The following RAVER2 variants were observed in gnomAD, a reference collection of about 807,000 sequenced individuals.
RAVER2 encodes ribonucleoprotein, PTB binding 2.
RAVER2 carries 46 observed loss-of-function variants against 78.1 expected under a neutral mutation model. The observed-to-expected ratio is 0.59, with a 90% CI of 0.46 to 0.75. RAVER2 has a LOEUF of 0.75. RAVER2 is among the 30% of genes least tolerant of loss of function. The pLI, the probability that RAVER2 is intolerant of heterozygous loss-of-function variation, is 0.00. For missense variants in RAVER2, 793 were observed against 837.5 expected (o/e 0.95, Z 0.66); for synonymous variants, 311 against 313.3 (o/e 0.99, Z 0.08).
chr1:64,828,781 AT>A lies in RAVER2; in HGVS notation c.1930-2054del, dbSNP rs1654057448. ...TTTTGCAACAGATCTCTAGATTTTCATTTTACAAAAGTAAAATCTGATAATT... is the reference window on the plus strand; with the variant it reads ...TTTTGCAACAGATCTCTAGATTTTCATTTACAAAAGTAAAATCTGATAATT... On this transcript the variant is annotated intron_variant, in intron 11 of 11. Transcript: ENST00000294428. 9.9e-5 allele frequency among the ~76,000 whole-genome samples: 15 copies of A among 152,074 alleles called. No homozygotes were observed. The South Asian group carries it at 3.1e-3, about 32-fold the overall frequency.
chr1:64,811,054 C>T (rs1325494423), intron 9 of RAVER2, among the ~76,000 whole-genome samples: 3 of 151,994 alleles, frequency 2.0e-5, no homozygotes, highest in African/African-American at 7.3e-5. Flanking sequence ...TGTATACAAA[C>T]CTATTATTAA....
intron 11 of RAVER2, among the ~76,000 whole-genome samples, chr1:64,826,611 C>T (rs934994062): frequency 1.3e-5 from 2 of 152,100 alleles, no homozygotes; most frequent in African/African-American, 4.8e-5. Context: ...CTTTTAGGCC[C>T]TTGTAAGGAC....
At chr1:64,784,820 G>A (rs10493372) in intron 4 of RAVER2, among the ~76,000 whole-genome samples, 10,923 of 152,222 alleles carry the variant, frequency 0.072, 521 homozygotes, top group Non-Finnish European at 0.098. Flanking sequence ...GTAAATGTCA[G>A]AAATACTATC....
intron 5 of RAVER2, among the ~76,000 whole-genome samples, chr1:64,794,133 AG>A (rs1653025407): frequency 6.6e-6 from 1 of 151,724 alleles, no homozygotes; most frequent in East Asian, 2.0e-4. Context: ...CAGCTGGGCC[AG>A]GCGCAGTGGC....
intron 1 of RAVER2, among the ~76,000 whole-genome samples, chr1:64,766,628 T>A (rs1652182883): frequency 1.3e-5 from 2 of 152,292 alleles, no homozygotes; most frequent in African/African-American, 4.8e-5. Context: ...CTTAGGTAAT[T>A]CTCTTAGCTG....
At chr1:64,758,838 T>C (rs2100810526) in intron 1 of RAVER2, among the ~76,000 whole-genome samples, 1 of 152,192 alleles carries the variant, frequency 6.6e-6, no homozygotes, top group Non-Finnish European at 1.5e-5. Flanking sequence ...TTGGAGTCAT[T>C]TGTTGCACAA....
intron 5 of RAVER2, among the ~76,000 whole-genome samples, chr1:64,790,728 G>C (rs773765226): frequency 6.6e-6 from 1 of 152,136 alleles, no homozygotes; most frequent in Non-Finnish European, 1.5e-5. Flanking sequence ...CATATCGCTC[G>C]CTGATAAGGG....
intron 9 of RAVER2, among the ~76,000 whole-genome samples, chr1:64,809,760 A>G (rs1011939439): frequency 2.0e-5 from 3 of 151,994 alleles, no homozygotes; most frequent in African/African-American, 7.3e-5. Context: ...ATAACTCTCC[A>G]TTTTCTTCTC....
intron 5 of RAVER2, among the ~76,000 whole-genome samples, chr1:64,793,676 C>T (rs1054703152): frequency 2.0e-5 from 3 of 152,122 alleles, no homozygotes; most frequent in Non-Finnish European, 2.9e-5. Context: ...AAATAATAGA[C>T]GTATAAATTA....
intron 5 of RAVER2, among the ~76,000 whole-genome samples, chr1:64,793,677 G>A (rs1035256016): frequency 5.3e-5 from 8 of 152,100 alleles, no homozygotes; most frequent in African/African-American, 1.7e-4. Flanking sequence ...AATAATAGAC[G>A]TATAAATTAC....
At chr1:64,778,000 T>G (rs943538643) in exon 3 of RAVER2, 3 of 1,613,988 alleles carry the variant, frequency 1.9e-6, no homozygotes, top group Non-Finnish European at 2.5e-6. Flanking sequence ...TCATTCTAAG[T>G]GCCTTTGTAT....
At chr1:64,781,950 C>T (rs1266443552) in intron 4 of RAVER2, among the ~76,000 whole-genome samples, 1 of 152,094 alleles carries the variant, frequency 6.6e-6, no homozygotes, top group Admixed American at 6.5e-5. Flanking sequence ...TTCACCCAGG[C>T]TGGAGTGCAG....
chr1:64,801,849 T>C (rs531378417), intron 5 of RAVER2, among the ~76,000 whole-genome samples: 1 of 152,202 alleles, frequency 6.6e-6, no homozygotes, highest in Admixed American at 6.5e-5. Context: ...GCCTGGGCAA[T>C]AGAGTGTGAC....
At chr1:64,816,681 T>C (rs1437110079) in intron 11 of RAVER2, among the ~76,000 whole-genome samples, 1 of 152,212 alleles carries the variant, frequency 6.6e-6, no homozygotes, top group Admixed American at 6.5e-5. Flanking sequence ...CCTGTGAGAT[T>C]TAGTAAACTG....
rs567257234 is a variant in RAVER2, at chr1:64,768,026, GTAGT to G, written c.250-624_250-621del. On this transcript the variant is annotated intron_variant, in intron 1 of 11. Transcript: ENST00000294428. ...AAATGGAACTGCATGCTATGCCTTA[GTAGT>G]TAGTTTTTTTCATATCCAGGGATCT... 6.6e-4 allele frequency among the ~76,000 whole-genome samples: 100 copies of G among 151,724 alleles called. 2 individuals carry two copies. In the South Asian group the frequency reaches 0.02, roughly 31 times the overall value.
chr1:64,809,474 A>C (rs1653541357), intron 9 of RAVER2, among the ~76,000 whole-genome samples: 1 of 147,304 alleles, frequency 6.8e-6, no homozygotes, highest in African/African-American at 2.5e-5. Flanking sequence ...TGTTTCCAGA[A>C]TCACCTCTAG....
intron 9 of RAVER2, among the ~76,000 whole-genome samples, chr1:64,808,688 C>T (rs557722335): frequency 6.6e-6 from 1 of 152,138 alleles, no homozygotes. Flanking sequence ...TCTCGAACTC[C>T]TGAGCTCAGG....
rs77494095 is a variant in RAVER2, at chr1:64,752,654, A to G, written c.249+7233A>G. On this transcript the variant is annotated intron_variant, in intron 1 of 11. Transcript: ENST00000294428. ...GGATTTCATCTCTATCCCCATCTGT[A>G]GGGGTGACATAAACCAAAGAACACA... 8.7e-3 allele frequency among the ~76,000 whole-genome samples: 1,330 copies of G among 152,212 alleles called. 23 individuals are homozygous for G. Among genetic ancestry groups the G allele is most frequent in the African/African-American group, 0.031 (1,275 of 41,520 alleles).
intron 11 of RAVER2, among the ~76,000 whole-genome samples, chr1:64,820,905 C>A (rs893649529): frequency 1.3e-4 from 20 of 152,152 alleles, no homozygotes; most frequent in Admixed American, 9.8e-4. Flanking sequence ...AATTTATATT[C>A]CTCTGGGTAT....
Sources: allele counts gnomAD v4.1 joint callset (sites outside exome capture counted in the v4.1 genomes callset), GRCh38; gene constraint gnomAD v4.1.1; transcripts MANE v1.5; gene names NCBI Gene and HGNC (gene_info 2026-07-23, HGNC 2026-07-21).